Variants in ZNF727 observed in about 807,000 individuals in gnomAD.
ZNF727 encodes zinc finger protein 727.
In ZNF727, 11 loss-of-function variants were observed where a neutral mutation model predicts 11.5. The observed-to-expected ratio is 0.95, with a 90% confidence interval of 0.60 to 1.58. ZNF727 has a LOEUF of 1.58. Among genes scored for constraint, ZNF727 ranks in the 40% most tolerant of loss-of-function variants. ZNF727 has a pLI of 0.00. For missense variants in ZNF727, 533 were observed against 581.7 expected (o/e 0.92, Z 0.86); for synonymous variants, 171 against 196.1 (o/e 0.87, Z 1.07).
At chr7:64,071,225 A>G (rs1395755637) in intron 3 of ZNF727, among the ~76,000 whole-genome samples, 1 of 152,054 alleles carries the variant, frequency 6.6e-6, no homozygotes. Flanking sequence ...ATTACACATC[A>G]CCAAGAATGT....
chr7:64,068,408 C>A (rs1789905037), intron 1 of ZNF727, among the ~76,000 whole-genome samples: 1 of 152,032 alleles, frequency 6.6e-6, no homozygotes, highest in Admixed American at 6.6e-5. Context: ...AAAATATTCT[C>A]CTTGGGCCAG....
intron 1 of ZNF727, among the ~76,000 whole-genome samples, chr7:64,048,419 G>A (rs1397984585): frequency 6.6e-6 from 1 of 152,150 alleles, no homozygotes; most frequent in African/African-American, 2.4e-5. Context: ...CATGATGGTT[G>A]CAGAAAAATA....
rs762715064 is a variant in ZNF727, at chr7:64,078,458, A to G, written c.1409A>G (p.His470Arg). 5.1e-6 allele frequency: 8 copies of G among 1,573,898 alleles called. No homozygotes were observed. Among genetic ancestry groups the G allele is most frequent in the Non-Finnish European group, 6.9e-6 (8 of 1,159,248 alleles). ...ACCTGCTCCTCAAGCCTTATTAAAC[A>G]CAAGAGAAGTCATACTGGAGACAGA... The part of the protein sequence containing the change: ...TFTCSSSLIK[H>R]KRSHTGDRPT... Residue 470 changes from histidine to arginine, a missense_variant, in exon 4 of 4, where the codon CAC becomes CGC. This residue lies in a region of ZNF727 where 54 missense variants were observed against 48.6 expected (regional missense o/e 1.11). Transcript: ENST00000456806.
chr7:64,059,158 T>C (rs1196285177), intron 1 of ZNF727, among the ~76,000 whole-genome samples: 1 of 152,134 alleles, frequency 6.6e-6, no homozygotes, highest in East Asian at 1.9e-4. Context: ...TTGGTCAGGC[T>C]GGTGTCAAAC....
At chr7:64,055,027 T>C (rs1023639951) in intron 1 of ZNF727, among the ~76,000 whole-genome samples, 1 of 152,154 alleles carries the variant, frequency 6.6e-6, no homozygotes, top group Non-Finnish European at 1.5e-5. Flanking sequence ...TCCCCCTCAT[T>C]ATATTTGCTA....
In ZNF727 at chr7:64,079,323, A is replaced by T. The variant is rs1366430263; in HGVS notation, c.*774A>T. Among the ~76,000 whole-genome samples the T allele has an allele frequency of 2.0e-5, 3 of 152,250 alleles. No individual in the cohort carries two copies. The highest frequency in any genetic ancestry group is 4.4e-5 in the Non-Finnish European group (3 of 68,048). ...AGACTTACTACTGAACAAATGTAGT[A>T]TAAAGGTAATGACTTGAAGAACATT... On this transcript the variant is annotated 3_prime_UTR_variant, in exon 4 of 4. Transcript: ENST00000456806.
intron 1 of ZNF727, among the ~76,000 whole-genome samples, chr7:64,046,525 T>G (rs901392898): frequency 1.7e-4 from 26 of 152,318 alleles, no homozygotes; most frequent in African/African-American, 5.8e-4. Context: ...CCTGAAGTTC[T>G]TATTTAAAAG....
At chr7:64,073,869 C>T (rs891745132) in intron 3 of ZNF727, among the ~76,000 whole-genome samples, 13 of 152,094 alleles carry the variant, frequency 8.5e-5, no homozygotes, top group African/African-American at 2.9e-4. Context: ...AAGCATTCAC[C>T]TTTCTTCTAG....
chr7:64,063,706 A>G (rs1355639575), intron 1 of ZNF727, among the ~76,000 whole-genome samples: 1 of 152,084 alleles, frequency 6.6e-6, no homozygotes, highest in Non-Finnish European at 1.5e-5. Context: ...CCTTTCCTTC[A>G]GGGCAGTGAG....
At chr7:64,069,701 G>A (rs1457694228) in intron 3 of ZNF727, 92 bp downstream of exon 3, 19 of 1,002,826 alleles carry the variant, frequency 1.9e-5, no homozygotes, top group Non-Finnish European at 2.7e-5. Flanking sequence ...CAGAAGCTCT[G>A]CTCCAGTGGA....
intron 1 of ZNF727, among the ~76,000 whole-genome samples, chr7:64,048,292 G>A (rs1231774701): frequency 6.6e-6 from 1 of 152,036 alleles, no homozygotes; most frequent in East Asian, 1.9e-4. Flanking sequence ...TTTATGTATT[G>A]CACAGTGAAT....
chr7:64,057,297 G>A (rs774030020), intron 1 of ZNF727, among the ~76,000 whole-genome samples: 5 of 152,114 alleles, frequency 3.3e-5, no homozygotes, highest in Non-Finnish European at 7.4e-5. Context: ...CAAAGACATG[G>A]AATTAACCCA....
chr7:64,073,958 A>G (rs1025877712), intron 3 of ZNF727, among the ~76,000 whole-genome samples: 8 of 152,154 alleles, frequency 5.3e-5, no homozygotes, highest in Admixed American at 2.6e-4. Context: ...ACAGTCTCCT[A>G]TAATTTCATA....
chr7:64,080,440 C>G lies in ZNF727; in HGVS notation c.*1891C>G, dbSNP rs1292804615. 1.3e-5 allele frequency among the ~76,000 whole-genome samples: 2 copies of G among 152,076 alleles called. No homozygotes were observed. The highest frequency in any genetic ancestry group is 6.6e-5 in the Admixed American group (1 of 15,260). ...TCTTCCCTCTGCTTGGCCTATTCTT[C>G]TATTAACACTTGTGATTACATTATA... On this transcript the variant is annotated 3_prime_UTR_variant, in exon 4 of 4. Transcript: ENST00000456806.
chr7:64,058,813 T>C (rs1789725425), intron 1 of ZNF727, among the ~76,000 whole-genome samples: 2 of 152,238 alleles, frequency 1.3e-5, no homozygotes, highest in Non-Finnish European at 2.9e-5. Flanking sequence ...TTTCTGTTTA[T>C]GGATTATACC....
At chr7:64,063,491 CTG>C (rs199518944) in intron 1 of ZNF727, among the ~76,000 whole-genome samples, 4,402 of 151,686 alleles carry the variant, frequency 0.029, 85 homozygotes, top group Non-Finnish European at 0.04. Flanking sequence ...CTCTCTCTCT[CTG>C]CATGCTGAGC....
At chr7:64,076,477 C>T (rs566245680) in intron 3 of ZNF727, among the ~76,000 whole-genome samples, 3 of 151,876 alleles carry the variant, frequency 2.0e-5, no homozygotes, top group Admixed American at 1.3e-4. Flanking sequence ...AGGTGAGGCA[C>T]GCCTATAATC....
At chr7:64,067,956 G>A (rs1052429992) in intron 1 of ZNF727, among the ~76,000 whole-genome samples, 1 of 152,024 alleles carries the variant, frequency 6.6e-6, no homozygotes, top group African/African-American at 2.4e-5. Context: ...CACCATTAGA[G>A]ATTACAGAAC....
At chr7:64,051,137 T>TAAAC (rs1340073712) in intron 1 of ZNF727, among the ~76,000 whole-genome samples, 1 of 152,146 alleles carries the variant, frequency 6.6e-6, no homozygotes, top group African/African-American at 2.4e-5. Context: ...GAGAGGAGAC[T>TAAAC]AAACAAACAA....
Sources: allele counts gnomAD v4.1 joint callset (sites outside exome capture counted in the v4.1 genomes callset), GRCh38; gene constraint gnomAD v4.1.1; regional missense constraint gnomAD v4.1.1; transcripts MANE v1.5; gene names NCBI Gene and HGNC (gene_info 2026-07-23, HGNC 2026-07-21).